OTOGL: variants seen among roughly 807,000 people sequenced by gnomAD.
The protein encoded by OTOGL is otogelin like.
OTOGL carries 285 observed loss-of-function variants against 318.5 expected under a neutral mutation model. That is an observed-to-expected ratio of 0.89 (90% CI 0.81 to 0.99). The LOEUF is 0.99. Among genes scored for constraint, OTOGL ranks in the 50% least tolerant of loss-of-function variants. OTOGL has a pLI of 0.00. For missense variants in OTOGL, 2,899 were observed against 2,845.6 expected, an observed-to-expected ratio of 1.02 and a Z score of -0.43; for synonymous variants, 987 against 936.5, an observed-to-expected ratio of 1.05 and a Z score of -0.99.
chr12:80,331,775 T>C (rs1177525044), intron 37 of OTOGL, among the ~76,000 whole-genome samples: 1 of 152,228 alleles, frequency 6.6e-6, no homozygotes, highest in Non-Finnish European at 1.5e-5. Context: ...ATTAAGATGA[T>C]GACTGGCTTA....
In OTOGL at chr12:80,249,257, C is replaced by T. The variant is rs967838522; in HGVS notation, c.1053-2436C>T. On this transcript the variant is annotated intron_variant, in intron 11 of 58. Transcript: ENST00000547103. ...AGAGGCGCTCTGCGTTTTAGAGTTT[C>T]CAGTTTTTCTGTTGTGTTTTTTCCC... 2.1e-3 allele frequency among the ~76,000 whole-genome samples: 313 copies of T among 151,048 alleles called. 3 individuals are homozygous for T. The highest frequency in any genetic ancestry group is 7.2e-3 in the African/African-American group (290 of 40,446).
intron 7 of OTOGL, among the ~76,000 whole-genome samples, chr12:80,224,267 G>C (rs1379304166): frequency 6.6e-6 from 1 of 151,174 alleles, no homozygotes; most frequent in African/African-American, 2.4e-5. Context: ...TGGATTCTCT[G>C]TTGTTCTATA....
chr12:80,181,630 A>ATTTTTTTTTT (rs61577097), intron 1 of OTOGL, among the ~76,000 whole-genome samples: 6 of 147,460 alleles, frequency 4.1e-5, no homozygotes, highest in African/African-American at 1.5e-4. Context: ...GAGGATCAAG[A>ATTTTTTTTTT]TTTTTTTTTT....
chr12:80,342,205 T>G (rs1244044546), intron 44 of OTOGL, 43 bp downstream of exon 44: 4 of 1,440,732 alleles, frequency 2.8e-6, no homozygotes, highest in Admixed American at 2.0e-5. Context: ...ATGTTAGATA[T>G]GTTGAGAGTA....
chr12:80,336,952 T>G lies in OTOGL; in HGVS notation c.4808T>G (p.Leu1603Ter), dbSNP rs1243828864. Residue 1603 changes from leucine (L) to a stop codon, truncating the protein, a stop_gained, in exon 42 of 59, where the codon TTA (leucine) becomes TGA (stop). Transcript: ENST00000547103. LOFTEE classifies it high-confidence loss of function. ...ATCTCTGGACTTTGTTTTAAGAAGT[T>G]AAATGTGACAACACCCATACATAAA... Reference protein sequence around the residue: ...GRISGLCFKKLNVTTPIHKII... With the variant: ...GRISGLCFKK The G allele has an allele frequency of 1.3e-6, 2 of 1,596,200 alleles. No individual in the cohort carries two copies. Among genetic ancestry groups the G allele is most frequent in the Admixed American group, 1.7e-5 (1 of 58,142 alleles).
At chr12:80,218,147 ATTTG>A (rs1487707654) in intron 5 of OTOGL, among the ~76,000 whole-genome samples, 3 of 152,216 alleles carry the variant, frequency 2.0e-5, no homozygotes, top group Admixed American at 1.3e-4. Context: ...AAGGCAATAC[ATTTG>A]TTTATCTAAA....
Position 80,139,196 on chromosome 12 carries a change from G to A in OTOGL, c.-20+39591G>A, listed in dbSNP as rs191853215. Reference sequence around the variant, plus strand: ...GAGATGGCAGCTCCTTGATCATGGCGGGTGAAGCAGCTGCTTTGGAAGTGC... The same window carrying A: ...GAGATGGCAGCTCCTTGATCATGGCAGGTGAAGCAGCTGCTTTGGAAGTGC... On this transcript the variant is annotated intron_variant, in intron 1 of 58. Coordinates refer to ENST00000547103, the MANE Select transcript of OTOGL (RefSeq NM_001378609.3). Among the ~76,000 whole-genome samples the A allele has an allele frequency of 1.2e-3, 179 of 152,262 alleles. 2 individuals are homozygous for A. The highest frequency in any genetic ancestry group is 2.1e-3 in the Non-Finnish European group (142 of 68,000).
intron 1 of OTOGL, among the ~76,000 whole-genome samples, chr12:80,188,277 T>C (rs555829011): frequency 3.3e-5 from 5 of 152,200 alleles, no homozygotes; most frequent in South Asian, 4.2e-4. Flanking sequence ...CGGTGGTTCA[T>C]GCCTGTAATC....
chr12:80,367,842 A>G (rs1262030232), intron 54 of OTOGL, 103 bp downstream of exon 54: 1 of 764,968 alleles, frequency 1.3e-6, no homozygotes, highest in Non-Finnish European at 1.9e-6. Context: ...TAAAATATAT[A>G]TTATATAGTT....
intron 7 of OTOGL, among the ~76,000 whole-genome samples, chr12:80,222,497 T>C (rs1342753955): frequency 1.3e-5 from 2 of 152,122 alleles, no homozygotes; most frequent in Non-Finnish European, 2.9e-5. Flanking sequence ...CTAACATTTA[T>C]AAAATGGAGT....
chr12:80,373,766 A>C (rs1891023665), intron 57 of OTOGL, among the ~76,000 whole-genome samples: 1 of 151,936 alleles, frequency 6.6e-6, no homozygotes. Flanking sequence ...TAGTGGCGTT[A>C]AATAATTTGT....
intron 17 of OTOGL, among the ~76,000 whole-genome samples, chr12:80,256,773 A>G (rs948605434): frequency 1.3e-5 from 2 of 152,096 alleles, no homozygotes; most frequent in Admixed American, 1.3e-4. Context: ...GGTGCAGCTC[A>G]CTCAGCTCTG....
chr12:80,336,276 G>T, intron 39 of OTOGL, 136 bp downstream of exon 39: 4 of 1,338,594 alleles, frequency 3.0e-6, no homozygotes, highest in East Asian at 2.6e-5. Flanking sequence ...TATGATTTTG[G>T]CTCACAGTAT....
chr12:80,115,373 A>G (rs1870097919), intron 1 of OTOGL, among the ~76,000 whole-genome samples: 1 of 151,958 alleles, frequency 6.6e-6, no homozygotes, highest in Admixed American at 6.6e-5. Flanking sequence ...GGTCTGCTGG[A>G]GTTTGCTGGA....
chr12:80,192,644 G>A (rs1237132450), intron 1 of OTOGL, among the ~76,000 whole-genome samples: 8 of 152,176 alleles, frequency 5.3e-5, no homozygotes, highest in Admixed American at 3.9e-4. Flanking sequence ...AATAAAAATA[G>A]CATGCTCTCT....
At chr12:80,300,189 C>G (rs1342787842) in intron 27 of OTOGL, among the ~76,000 whole-genome samples, 1 of 150,630 alleles carries the variant, frequency 6.6e-6, no homozygotes, top group African/African-American at 2.4e-5. Flanking sequence ...CATGTTCTGT[C>G]TCGATGTGTC....
intron 46 of OTOGL, 23 bp downstream of exon 46, chr12:80,353,533 A>G: frequency 2.1e-6 from 3 of 1,435,484 alleles, no homozygotes; most frequent in Non-Finnish European, 2.8e-6. Flanking sequence ...GTACAAAATG[A>G]CTTCTCAGGA....
chr12:80,111,487 C>T (rs1208256084), intron 1 of OTOGL, among the ~76,000 whole-genome samples: 2 of 152,184 alleles, frequency 1.3e-5, no homozygotes, highest in Non-Finnish European at 2.9e-5. Flanking sequence ...TTTCCCAACA[C>T]CATTTATTAA....
chr12:80,267,663 G>T lies in OTOGL; in HGVS notation c.2465+336G>T, dbSNP rs546631221. ...TATGAGTGAGAACATGCAGTGTTTGGTTTTTTTAACCCAAACTGTAAGTTG... is the reference window on the plus strand; with the variant it reads ...TATGAGTGAGAACATGCAGTGTTTGTTTTTTTTAACCCAAACTGTAAGTTG... On this transcript the variant is annotated intron_variant, in intron 22 of 58. Transcript: ENST00000547103. 8.2e-5 allele frequency among the ~76,000 whole-genome samples: 12 copies of T among 147,204 alleles called. 1 individual carries two copies. Among genetic ancestry groups the T allele is most frequent in the African/African-American group, 2.8e-4 (11 of 39,904 alleles).
Sources: allele counts gnomAD v4.1 joint callset (sites outside exome capture counted in the v4.1 genomes callset), GRCh38; gene constraint gnomAD v4.1.1; transcripts MANE v1.5; gene names NCBI Gene and HGNC (gene_info 2026-07-23, HGNC 2026-07-21).